The following TIMM23 variants were observed in gnomAD, a reference collection of about 807,000 sequenced individuals.
TIMM23 encodes the protein mitochondrial import inner membrane translocase subunit Tim23.
In TIMM23, 19 loss-of-function variants were observed where a neutral mutation model predicts 30.7. The observed-to-expected ratio is 0.62, with a 90% confidence interval of 0.43 to 0.91. The LOEUF (loss-of-function observed/expected upper bound fraction) is 0.91, where lower values mean the gene tolerates loss of function less well. TIMM23 is among the 40% of genes least tolerant of loss of function. The probability of loss-of-function intolerance (pLI) is 0.00; values close to 1 mark genes in which losing one functional copy is unlikely to be tolerated. For missense variants in TIMM23, 202 were observed against 269.2 expected (o/e 0.75, Z 1.75); for synonymous variants, 78 against 98.5 (o/e 0.79, Z 1.23).
intron 4 of TIMM23, among the ~76,000 whole-genome samples, chr10:45,983,595 C>T (rs1837911189): frequency 1.3e-5 from 2 of 152,152 alleles, no homozygotes; most frequent in Admixed American, 1.3e-4. Context: ...TTTTATGCTT[C>T]ATGTAAGTGG....
chr10:45,996,439 C>G (rs1838334941), intron 6 of TIMM23, among the ~76,000 whole-genome samples: 3 of 150,136 alleles, frequency 2.0e-5, no homozygotes, highest in African/African-American at 7.6e-5. Flanking sequence ...CCGCCTAATA[C>G]CATGCTCATC....
Position 46,003,286 on chromosome 10 carries a change from A to T in TIMM23, c.598A>T (p.Met200Leu). ...LYALYNNWEH[M>L]KGSLLQQSL The stretch of plus-strand genomic sequence containing the variant: ...TGCACTATATAATAACTGGGAGCAC[A>T]TGAAAGGCTCCTTGCTCCAACAGTC... Residue 200 changes from methionine to leucine, a missense_variant, in exon 7 of 7, where the codon ATG (methionine) becomes TTG (leucine). Met to Leu is a conservative substitution (Grantham distance 15). Transcript: ENST00000580018. 1.2e-6 allele frequency: 2 copies of T among 1,614,110 alleles called. No individual in the cohort carries two copies. The highest frequency in any genetic ancestry group is 1.7e-6 in the Non-Finnish European group (2 of 1,179,956).
At chr10:45,981,574 A>G (rs1249762814) in intron 2 of TIMM23, among the ~76,000 whole-genome samples, 3 of 152,014 alleles carry the variant, frequency 2.0e-5, no homozygotes, top group African/African-American at 7.2e-5. Context: ...CCAGAAAGAA[A>G]AAACCAAGGC....
chr10:45,997,613 A>T (rs1395306186), intron 6 of TIMM23, among the ~76,000 whole-genome samples: 1 of 152,138 alleles, frequency 6.6e-6, no homozygotes, highest in African/African-American at 2.4e-5. Context: ...GGAGTTCAAG[A>T]CCACTCTAGG....
At chr10:45,993,146 C>A (rs2573396) in intron 6 of TIMM23, among the ~76,000 whole-genome samples, 6 of 151,326 alleles carry the variant, frequency 4.0e-5, no homozygotes, top group African/African-American at 9.7e-5. Context: ...AATTAAGTTA[C>A]TTGAGCAAAT....
intron 6 of TIMM23, among the ~76,000 whole-genome samples, chr10:45,997,006 G>T (rs1232563209): frequency 5.3e-5 from 8 of 149,948 alleles, no homozygotes; most frequent in South Asian, 2.1e-4. Flanking sequence ...AAGAGGCCAA[G>T]GCAGGCAAAT....
chr10:45,985,799 A>G (rs1435650035), intron 5 of TIMM23, among the ~76,000 whole-genome samples: 15 of 152,238 alleles, frequency 9.9e-5, no homozygotes, highest in Admixed American at 7.9e-4. Context: ...GTAGTGATAC[A>G]TGATAAATTA....
chr10:45,996,477 A>G (rs1192067489), intron 6 of TIMM23, among the ~76,000 whole-genome samples: 3 of 150,626 alleles, frequency 2.0e-5, no homozygotes, highest in Admixed American at 6.6e-5. Context: ...ATGATTATCA[A>G]TTTACAGGAT....
intron 6 of TIMM23, chr10:45,992,723 A>G (rs1310740213): frequency 1.4e-5 from 5 of 359,308 alleles, no homozygotes; most frequent in Non-Finnish European, 2.7e-5. Context: ...ACGCCCAGCT[A>G]ATTTTTGTAT....
intron 1 of TIMM23, among the ~76,000 whole-genome samples, chr10:45,973,941 A>C (rs1319370917): frequency 4.6e-5 from 7 of 151,980 alleles, no homozygotes; most frequent in African/African-American, 1.5e-4. Context: ...GGCCTGAGCT[A>C]CTACTTTACC....
At chr10:46,000,459 G>A (rs1055595266) in intron 6 of TIMM23, among the ~76,000 whole-genome samples, 2 of 152,182 alleles carry the variant, frequency 1.3e-5, no homozygotes, top group African/African-American at 4.8e-5. Context: ...GGCTCAAGCA[G>A]TCCGCCCACC....
intron 6 of TIMM23, among the ~76,000 whole-genome samples, chr10:45,999,500 C>T (rs986716699): frequency 6.6e-6 from 1 of 151,984 alleles, no homozygotes; most frequent in Non-Finnish European, 1.5e-5. Flanking sequence ...CCACAAGCCG[C>T]AAAAACCAGC....
chr10:45,981,967 G>T (rs1301451878), intron 2 of TIMM23, among the ~76,000 whole-genome samples: 1 of 152,110 alleles, frequency 6.6e-6, no homozygotes, highest in Non-Finnish European at 1.5e-5. Flanking sequence ...TTTTGTGTAT[G>T]CAATTACTAG....
chr10:45,999,498 C>T (rs1420246275), intron 6 of TIMM23, among the ~76,000 whole-genome samples: 2 of 152,062 alleles, frequency 1.3e-5, no homozygotes, highest in African/African-American at 4.8e-5. Flanking sequence ...CCCCACAAGC[C>T]GCAAAAACCA....
chr10:45,982,487 G>C, intron 2 of TIMM23, 36 bp from the exon 3 acceptor site: 4 of 1,600,528 alleles, frequency 2.5e-6, no homozygotes, highest in Non-Finnish European at 2.6e-6. Flanking sequence ...GTGTCTTGAG[G>C]GACACTCAGC....
intron 6 of TIMM23, among the ~76,000 whole-genome samples, chr10:46,001,223 G>C (rs1272919019): frequency 6.6e-6 from 1 of 152,134 alleles, no homozygotes; most frequent in Non-Finnish European, 1.5e-5. Flanking sequence ...GAATACAGTT[G>C]GAAGTTTAAT....
intron 6 of TIMM23, among the ~76,000 whole-genome samples, chr10:45,991,688 T>C (rs1475122155): frequency 1.3e-5 from 2 of 151,734 alleles, no homozygotes; most frequent in Non-Finnish European, 2.9e-5. Flanking sequence ...GAGGTGGAGG[T>C]TGCGGTGAGG....
At chr10:45,993,869 TAATGA>T (rs1170395998) in intron 6 of TIMM23, among the ~76,000 whole-genome samples, 2 of 150,334 alleles carry the variant, frequency 1.3e-5, no homozygotes, top group East Asian at 2.0e-4. Flanking sequence ...TGAAATGAAA[TAATGA>T]AATGAACAAT....
chr10:46,002,224 G>GGAGTGCAGTGGTGTAATCTCAGCT (rs1447179101), intron 6 of TIMM23: 17 of 151,928 alleles, frequency 1.1e-4, no homozygotes, highest in Non-Finnish European at 2.1e-4. Flanking sequence ...CACCCAGGCT[G>GGAGTGCAGTGGTGTAATCTCAGCT]GAGTGCAGTG....
Sources: allele counts gnomAD v4.1 joint callset (sites outside exome capture counted in the v4.1 genomes callset), GRCh38; gene constraint gnomAD v4.1.1; transcripts MANE v1.5; gene names NCBI Gene and HGNC (gene_info 2026-07-23, HGNC 2026-07-21).